Variants in SRSF11 observed in about 807,000 individuals in gnomAD.
SRSF11 encodes the protein serine and arginine rich splicing factor 11, also known as serine/arginine-rich splicing factor 11.
Under a neutral mutation model 56.0 loss-of-function variants are expected in SRSF11, and 9 were observed. The observed-to-expected ratio is 0.16, with a 90% CI of 0.10 to 0.28. SRSF11 has a LOEUF of 0.28. Among genes scored for constraint, SRSF11 ranks in the 10% least tolerant of loss-of-function variants. SRSF11 has a pLI of 1.00. For missense variants in SRSF11, 421 were observed against 600.7 expected (o/e 0.70, Z 3.13); for synonymous variants, 222 against 215.3 (o/e 1.03, Z -0.27).
upstream of SRSF11, among the ~76,000 whole-genome samples, chr1:70,221,185 C>T (rs763619713): frequency 6.6e-6 from 1 of 151,872 alleles, no homozygotes; most frequent in Non-Finnish European, 1.5e-5. Flanking sequence ...TTATACGTGC[C>T]TCTTCGCTCT....
intron 5 of SRSF11, among the ~76,000 whole-genome samples, chr1:70,236,332 C>CTTTT (rs554617176): frequency 2.2e-5 from 3 of 133,858 alleles, no homozygotes; most frequent in Non-Finnish European, 4.8e-5. Context: ...CTTTCTTTTT[C>CTTTT]TTTTTTTTTT....
At chr1:70,223,245 TTAC>T (rs1477931068) in intron 1 of SRSF11, among the ~76,000 whole-genome samples, 1 of 152,234 alleles carries the variant, frequency 6.6e-6, no homozygotes, top group Non-Finnish European at 1.5e-5. Context: ...GGTATTCGAA[TTAC>T]TACAATTCTT....
In SRSF11 at chr1:70,232,319, C is replaced by T. The variant is rs1364076940; in HGVS notation, c.389C>T (p.Ala130Val). Residue 130 changes from alanine (A) to valine (V), a missense_variant, in exon 3 of 12, where the codon GCA becomes GTA. Transcript: ENST00000370949. ...KALSLLAPAN[A>V]VAGLLPGGGL... ...TTGTCTCTGTTGGCACCAGCTAATG[C>T]AGTGGCAGGTCTTCTGCCTGGTGGT... 1.2e-6 allele frequency: 2 copies of T among 1,614,068 alleles called. No homozygotes were observed. Among genetic ancestry groups the T allele is most frequent in the Non-Finnish European group, 1.7e-6 (2 of 1,180,040 alleles).
intron 6 of SRSF11, 111 bp from the exon 7 acceptor site, chr1:70,239,328 G>T (rs1459580617): frequency 1.4e-6 from 1 of 697,120 alleles, no homozygotes; most frequent in East Asian, 2.7e-5. Flanking sequence ...CTGGACTGAA[G>T]TGTTGCTCCC....
At chr1:70,225,590 G>A (rs1571690887) in intron 1 of SRSF11, among the ~76,000 whole-genome samples, 1 of 152,182 alleles carries the variant, frequency 6.6e-6, no homozygotes, top group East Asian at 1.9e-4. Context: ...ACCTTGTTAA[G>A]AATCTGGGCC....
At position 70,251,758 on chromosome 1, in the gene SRSF11, A is replaced by G. The variant is rs1014261492; in HGVS notation, c.*953A>G. On this transcript the variant is annotated 3_prime_UTR_variant, in exon 12 of 12. Coordinates refer to ENST00000370949, the MANE Select transcript of SRSF11 (RefSeq NM_001350605.2). ...TTAAAATAAGACAAATCTACTTGAT[A>G]ATGTACCTTTATTTGATCTCAAGTT... The G allele has an allele frequency of 3.9e-5, 6 of 152,594 alleles. No homozygotes were observed. The highest frequency in any genetic ancestry group is 1.4e-4 in the African/African-American group (6 of 41,452). The allele number at this position is 152,594 out of a possible 1,614,324, so 9.5% of individuals were successfully genotyped here.
Position 70,250,659 on chromosome 1 carries a change from G to C in SRSF11, c.1309G>C (p.Glu437Gln). ...EEEQGYDSEK[E>Q]KKEEKKPIET... is the part of the protein sequence containing the mutation. ...GGAACAGGGGTATGACAGTGAGAAA[G>C]AGAAAAAAGAAGAGAAGAAACCAAT... The change falls in exon 12 of 12, where the codon GAG (glutamate) becomes CAG (glutamine). Residue 437 changes from glutamate (E) to glutamine (Q), a missense_variant. Glu to Gln is a conservative substitution (Grantham distance 29, BLOSUM62 2). Transcript: ENST00000370949. 11 of 1,613,842 alleles carry C rather than the reference G, an allele frequency of 6.8e-6. No individual in the cohort carries two copies. The highest frequency in any genetic ancestry group is 9.3e-6 in the Non-Finnish European group (11 of 1,179,892).
At chr1:70,248,931 T>G (rs1027546437) in intron 9 of SRSF11, 2 of 152,188 alleles carry the variant, frequency 1.3e-5, no homozygotes, top group Non-Finnish European at 1.5e-5. Flanking sequence ...GAATGCTCAG[T>G]TATGTGTAAC....
intron 1 of SRSF11, among the ~76,000 whole-genome samples, chr1:70,227,685 C>G (rs1165948121): frequency 6.6e-6 from 1 of 152,150 alleles, no homozygotes; most frequent in Non-Finnish European, 1.5e-5. Context: ...CCTGTGTTAT[C>G]TGTCTTACTT....
chr1:70,248,919 G>A (rs1284651195), intron 9 of SRSF11: 4 of 152,236 alleles, frequency 2.6e-5, no homozygotes, highest in African/African-American at 7.2e-5. Context: ...TGTTTGATAA[G>A]TGAATGCTCA....
rs752164072 is a variant in SRSF11, at chr1:70,232,270, G to T, written c.340G>T (p.Val114Phe). The change falls in exon 3 of 12, where the codon GTT becomes TTT. Residue 114 changes from valine (V) to phenylalanine (F), a missense_variant and splice_region_variant. This residue lies in a region of SRSF11 where 168 missense variants were observed against 294.9 expected (regional missense o/e 0.57). Transcript: ENST00000370949. Reference sequence around the variant, plus strand: ...AATGCAAGGATGTTTCTCTGCAGGAGTTATTCCTGATGAAGCTAAAGCTTT... The same window carrying T: ...AATGCAAGGATGTTTCTCTGCAGGATTTATTCCTGATGAAGCTAAAGCTTT... ...ALIVVPYAEG[V>F]IPDEAKALSL... The T allele has an allele frequency of 6.2e-7, 1 of 1,614,072 alleles. No homozygotes were observed. The highest frequency in any genetic ancestry group is 1.3e-5 in the African/African-American group (1 of 74,912).
intron 1 of SRSF11, among the ~76,000 whole-genome samples, chr1:70,212,086 A>G (rs1245276219): frequency 2.0e-5 from 3 of 152,162 alleles, no homozygotes; most frequent in East Asian, 3.9e-4. Context: ...TGGTGGAGAG[A>G]AACATGGCCC....
intron 2 of SRSF11, chr1:70,229,309 T>TC: frequency 7.8e-7 from 1 of 1,283,310 alleles, no homozygotes; most frequent in Middle Eastern, 2.1e-4. Flanking sequence ...CAGCAAGCAC[T>TC]CAAGTGCCCC....
chr1:70,246,751 G>A, intron 8 of SRSF11, 67 bp from the exon 9 acceptor site: 1 of 927,752 alleles, frequency 1.1e-6, no homozygotes, highest in Non-Finnish European at 1.7e-6. Context: ...TTTTGTGTTT[G>A]TAGTGCTATA....
intron 1 of SRSF11, 21 bp downstream of exon 1, chr1:70,221,860 C>T (rs375694913): frequency 3.7e-6 from 6 of 1,613,008 alleles, no homozygotes; most frequent in Admixed American, 1.7e-5. Context: ...TCCACCATCA[C>T]TGTTCCTGCT....
In SRSF11 at chr1:70,250,823, G is replaced by T. The variant is rs551026163; in HGVS notation, c.*18G>T. On this transcript the variant is annotated 3_prime_UTR_variant, in exon 12 of 12. Coordinates refer to ENST00000370949, the MANE Select transcript of SRSF11 (RefSeq NM_001350605.2). The stretch of plus-strand genomic sequence containing the variant: ...GTGACTGAATATTGCCTCTGAGGGA[G>T]TCCAACTGTATACCTGCATCAGTGT... The T allele has an allele frequency of 1.9e-6, 3 of 1,604,006 alleles. No individual in the cohort carries two copies. The highest frequency in any genetic ancestry group is 2.6e-6 in the Non-Finnish European group (3 of 1,171,570).
At chr1:70,230,553 G>T in intron 2 of SRSF11, 2 of 1,281,646 alleles carry the variant, frequency 1.6e-6, no homozygotes, top group South Asian at 1.3e-5. Context: ...ACACATTCAT[G>T]CAGTATTTCA....
chr1:70,250,848 T>A lies in SRSF11; in HGVS notation c.*43T>A. On this transcript the variant is annotated 3_prime_UTR_variant, in exon 12 of 12. Transcript: ENST00000370949. ...GTCCAACTGTATACCTGCATCAGTG[T>A]CATTCCTTTGTGTGATTTCTTAATG... The A allele has an allele frequency of 6.5e-7, 1 of 1,537,846 alleles. No homozygotes were observed. The highest frequency in any genetic ancestry group is 9.0e-7 in the Non-Finnish European group (1 of 1,112,690).
intron 2 of SRSF11, chr1:70,229,142 C>A: frequency 1.6e-6 from 2 of 1,265,758 alleles, no homozygotes; most frequent in Non-Finnish European, 2.0e-6. Flanking sequence ...TTCATTCTTG[C>A]TATATTTCTA....
Sources: allele counts gnomAD v4.1 joint callset (sites outside exome capture counted in the v4.1 genomes callset), GRCh38; gene constraint gnomAD v4.1.1; regional missense constraint gnomAD v4.1.1; transcripts MANE v1.5; gene names NCBI Gene and HGNC (gene_info 2026-07-23, HGNC 2026-07-21).